CDH8: variants seen among roughly 807,000 people sequenced by gnomAD.
The protein encoded by CDH8 is cadherin-8.
A neutral mutation model predicts 68.1 loss-of-function variants in CDH8; 17 were observed. That is an observed-to-expected ratio of 0.25 (90% confidence interval 0.17 to 0.37). The LOEUF is 0.37. CDH8 is among the 10% of genes least tolerant of loss of function. The pLI is 1.00. For missense variants in CDH8, 763 were observed against 999.3 expected, an observed-to-expected ratio of 0.76 and a Z score of 3.19; for synonymous variants, 372 against 365.1, an observed-to-expected ratio of 1.02 and a Z score of -0.21.
At chr16:61,901,084 TA>T in intron 3 of CDH8, 94 bp downstream of exon 3, 1 of 1,140,660 alleles carries the variant, frequency 8.8e-7, no homozygotes, top group Non-Finnish European at 1.3e-6. Context: ...AAGGTGGTAA[TA>T]AATGTCTTTC....
chr16:61,690,561 T>C (rs1371813219), intron 10 of CDH8, among the ~76,000 whole-genome samples: 1 of 152,072 alleles, frequency 6.6e-6, no homozygotes, highest in Non-Finnish European at 1.5e-5. Context: ...TTGTACACTT[T>C]TGATAAGCAC....
At chr16:61,895,737 C>A (rs1963858748) in intron 3 of CDH8, among the ~76,000 whole-genome samples, 1 of 152,114 alleles carries the variant, frequency 6.6e-6, no homozygotes, top group Non-Finnish European at 1.5e-5. Flanking sequence ...AGCAATTTTT[C>A]ATTAACCCAT....
chr16:61,881,473 C>A (rs1008764198), intron 3 of CDH8, among the ~76,000 whole-genome samples: 1 of 151,988 alleles, frequency 6.6e-6, no homozygotes, highest in Non-Finnish European at 1.5e-5. Flanking sequence ...ATAATCAATC[C>A]TTTGTTTTAA....
At chr16:61,821,594 T>C (rs1962216436) in intron 5 of CDH8, among the ~76,000 whole-genome samples, 1 of 152,048 alleles carries the variant, frequency 6.6e-6, no homozygotes, top group Non-Finnish European at 1.5e-5. Context: ...TAGACCATTT[T>C]TGATAAAATT....
At chr16:61,887,339 T>G (rs1963693499) in intron 3 of CDH8, among the ~76,000 whole-genome samples, 1 of 152,176 alleles carries the variant, frequency 6.6e-6, no homozygotes. Context: ...TTTATAGCAG[T>G]GTGAAAACAC....
chr16:62,034,304 G>A (rs1021070488), intron 1 of CDH8, among the ~76,000 whole-genome samples: 3 of 152,104 alleles, frequency 2.0e-5, no homozygotes, highest in African/African-American at 4.8e-5. Context: ...TAGCATGAAC[G>A]ACAGGGCTCA....
chr16:61,800,058 AC>A (rs1458261615), intron 7 of CDH8, among the ~76,000 whole-genome samples: 1 of 152,056 alleles, frequency 6.6e-6, no homozygotes, highest in Non-Finnish European at 1.5e-5. Context: ...ACGGGTATGC[AC>A]CACCACGCCC....
chr16:61,938,595 T>G (rs2143523306), intron 2 of CDH8, among the ~76,000 whole-genome samples: 1 of 152,306 alleles, frequency 6.6e-6, no homozygotes, highest in East Asian at 1.9e-4. Flanking sequence ...GTACTGCTAA[T>G]AATTAAGCTA....
intron 2 of CDH8, among the ~76,000 whole-genome samples, chr16:61,923,647 A>G (rs1241595189): frequency 6.6e-6 from 1 of 151,430 alleles, no homozygotes; most frequent in African/African-American, 2.4e-5. Context: ...GGCATATTCA[A>G]GTTCCCTGAC....
Position 61,990,968 on chromosome 16 carries a change from A to G in CDH8, c.252+30184T>C, listed in dbSNP as rs139104891. On this transcript the variant is annotated intron_variant, in intron 2 of 11. Coordinates refer to ENST00000577390, the MANE Select transcript of CDH8 (RefSeq NM_001796.5). ...AGAGAGAGAGAAAAAAGAAAGAAAG[A>G]AAGAGAAAGAAAGGAAGGAAGAAAG... 4.2e-4 allele frequency among the ~76,000 whole-genome samples: 63 copies of G among 149,042 alleles called. 1 individual carries two copies. The East Asian group carries it at 0.011, about 25-fold the overall frequency.
rs149652727 is a variant in CDH8, at chr16:61,826,927, C to T, written c.668-1748G>A. Among the ~76,000 whole-genome samples, 126 of 151,948 alleles carry T rather than the reference C, an allele frequency of 8.3e-4. 1 individual carries two copies. The East Asian group carries it at 0.021, about 25-fold the overall frequency. On this transcript the variant is annotated intron_variant, in intron 4 of 11. Transcript: ENST00000577390. ...AATACTACGATGATATTTTTCAATGCAATGCTTTGTTTCAGGATTTGATCA... is the reference window on the plus strand; with the variant it reads ...AATACTACGATGATATTTTTCAATGTAATGCTTTGTTTCAGGATTTGATCA...
At chr16:61,878,693 ATAT>A (rs1232911409) in intron 3 of CDH8, among the ~76,000 whole-genome samples, 1 of 152,210 alleles carries the variant, frequency 6.6e-6, no homozygotes, top group Admixed American at 6.5e-5. Flanking sequence ...TTTACATATG[ATAT>A]TATTATTTAT....
chr16:61,691,543 C>A (rs1403032539), intron 10 of CDH8, among the ~76,000 whole-genome samples: 1 of 151,770 alleles, frequency 6.6e-6, no homozygotes. Flanking sequence ...CCTTTGAGAA[C>A]CTCGGACTTT....
At chr16:61,796,690 T>C (rs1199928354) in intron 7 of CDH8, among the ~76,000 whole-genome samples, 2 of 152,108 alleles carry the variant, frequency 1.3e-5, no homozygotes, top group African/African-American at 4.8e-5. Context: ...TACAGTAGTA[T>C]TTCTTGGAAG....
intron 2 of CDH8, among the ~76,000 whole-genome samples, chr16:61,986,372 T>TC (rs1965628795): frequency 6.6e-6 from 1 of 152,202 alleles, no homozygotes; most frequent in African/African-American, 2.4e-5. Flanking sequence ...TCCTTTTTTT[T>TC]CTCTTTTGAT....
intron 2 of CDH8, among the ~76,000 whole-genome samples, chr16:61,921,405 C>G (rs1452279097): frequency 2.0e-5 from 3 of 151,820 alleles, no homozygotes; most frequent in Non-Finnish European, 4.4e-5. Flanking sequence ...CTGTATTTAG[C>G]AGATATTTTA....
intron 8 of CDH8, among the ~76,000 whole-genome samples, chr16:61,779,426 T>TGTGTGTGTGC (rs1491434971): frequency 3.0e-4 from 2 of 6,582 alleles, no homozygotes; most frequent in African/African-American, 5.3e-4. Flanking sequence ...TGTTCGTTTA[T>TGTGTGTGTGC]GTGTGTGTGT....
At chr16:61,846,664 T>C (rs972768343) in intron 4 of CDH8, among the ~76,000 whole-genome samples, 1 of 152,082 alleles carries the variant, frequency 6.6e-6, no homozygotes, top group Non-Finnish European at 1.5e-5. Context: ...TGCCCAGAGA[T>C]TTTATTTCCT....
rs1203021168 is a variant in CDH8, at chr16:62,021,443, A to G, written c.-40T>C. Reference sequence around the variant, plus strand: ...AGCAAATCACCACGAAAATGAGACAATTATTTTTTTTGTCTCCGGTCTGCA... The same window carrying G: ...AGCAAATCACCACGAAAATGAGACAGTTATTTTTTTTGTCTCCGGTCTGCA... On this transcript the variant is annotated 5_prime_UTR_variant, in exon 2 of 12. Coordinates refer to ENST00000577390, the MANE Select transcript of CDH8 (RefSeq NM_001796.5). 1.9e-6 allele frequency: 3 copies of G among 1,568,482 alleles called. No homozygotes were observed. The South Asian group carries it at 3.6e-5, about 19-fold the overall frequency.
Sources: allele counts gnomAD v4.1 joint callset (sites outside exome capture counted in the v4.1 genomes callset), GRCh38; gene constraint gnomAD v4.1.1; transcripts MANE v1.5; gene names NCBI Gene and HGNC (gene_info 2026-07-23, HGNC 2026-07-21).